Variants in SERTAD2 observed in about 807,000 individuals in gnomAD.
SERTAD2 encodes the protein SERTA domain-containing protein 2.
Under a neutral mutation model 15.4 loss-of-function variants are expected in SERTAD2, and 2 were observed. That is an observed-to-expected ratio of 0.13 (90% CI 0.05 to 0.41). The LOEUF (loss-of-function observed/expected upper bound fraction) is 0.41. Among genes scored for constraint, SERTAD2 ranks in the 10% least tolerant of loss-of-function variants. SERTAD2 has a pLI of 0.99. For missense variants in SERTAD2, 333 were observed against 409.7 expected (o/e 0.81, Z 1.62); for synonymous variants, 180 against 178.0 (o/e 1.01, Z -0.09).
chr2:64,638,493 C>T (rs975676470), intron 1 of SERTAD2, among the ~76,000 whole-genome samples: 1 of 152,206 alleles, frequency 6.6e-6, no homozygotes, highest in African/African-American at 2.4e-5. Flanking sequence ...GGCCATGCTG[C>T]CCTCAAGGCC....
chr2:64,651,354 T>C (rs905304502), intron 1 of SERTAD2, among the ~76,000 whole-genome samples: 1 of 152,232 alleles, frequency 6.6e-6, no homozygotes, highest in Non-Finnish European at 1.5e-5. Flanking sequence ...TGCAAGTTGA[T>C]AGAAATTTTT....
chr2:64,645,928 T>C (rs551768472), intron 1 of SERTAD2, among the ~76,000 whole-genome samples: 1 of 124,646 alleles, frequency 8.0e-6, no homozygotes, highest in Admixed American at 9.1e-5. Flanking sequence ...TGGCTAAAAG[T>C]ATGGTACACT....
chr2:64,640,023 T>G (rs182201402), intron 1 of SERTAD2, among the ~76,000 whole-genome samples: 1 of 152,116 alleles, frequency 6.6e-6, no homozygotes, highest in Non-Finnish European at 1.5e-5. Flanking sequence ...CCTGATGAAG[T>G]GTACCTCAAG....
rs34043900 is a variant in SERTAD2, at chr2:64,647,675, TAA to T, written c.-5+5943_-5+5944del. Among the ~76,000 whole-genome samples, 1,282 of 145,552 alleles carry T rather than the reference TAA, an allele frequency of 8.8e-3. 2 individuals are homozygous for T. Among genetic ancestry groups the T allele is most frequent in the South Asian group, 0.011 (52 of 4,616 alleles). ...AAAAGTATGTGACAGTTTTTGTGTTTAAAAAAAAAAAAAAAGACTCAAGATAT... is the reference window on the plus strand; with the variant it reads ...AAAAGTATGTGACAGTTTTTGTGTTTAAAAAAAAAAAAAGACTCAAGATAT... On this transcript the variant is annotated intron_variant, in intron 1 of 1. Transcript: ENST00000313349.
Position 64,638,312 on chromosome 2 carries a change from T to C in SERTAD2, c.-4-1437A>G, listed in dbSNP as rs568100838. ...ATCCACATCTACACTGTCATAGGCA[T>C]TTGGCCAGGCCCAGTGGGGAGTCCC... On this transcript the variant is annotated intron_variant, in intron 1 of 1. Transcript: ENST00000313349. Among the ~76,000 whole-genome samples the C allele has an allele frequency of 1.3e-3, 205 of 152,388 alleles. 1 individual carries two copies. Among genetic ancestry groups the C allele is most frequent in the South Asian group, 4.6e-3 (22 of 4,832 alleles).
In SERTAD2 at chr2:64,633,166, A is replaced by G. The variant is rs571538852; in HGVS notation, c.*2761T>C. The G allele has an allele frequency of 1.3e-5, 2 of 152,386 alleles. No individual in the cohort carries two copies. Among genetic ancestry groups the G allele is most frequent in the African/African-American group, 4.8e-5 (2 of 41,594 alleles). 9.4% of individuals were successfully genotyped at this position (152,386 alleles called of 1,614,324 possible). ...TTTGTAAGAATAGGATGCAAAAGCA[A>G]TTAGAACCCTAGATCATTTTGATCT... is the stretch of plus-strand genomic sequence containing the variant. On this transcript the variant is annotated 3_prime_UTR_variant, in exon 2 of 2. Coordinates refer to ENST00000313349, the MANE Select transcript of SERTAD2 (RefSeq NM_014755.3).
rs973416882 is a variant in SERTAD2, at chr2:64,633,660, G to C, written c.*2267C>G. On this transcript the variant is annotated 3_prime_UTR_variant, in exon 2 of 2. Coordinates refer to ENST00000313349, the MANE Select transcript of SERTAD2 (RefSeq NM_014755.3). ...GAAAGGGAAGCTCTTAAAATTAACAGGCATACTGACACTGGAAGCATCTAC... is the reference window on the plus strand; with the variant it reads ...GAAAGGGAAGCTCTTAAAATTAACACGCATACTGACACTGGAAGCATCTAC... 3.9e-5 allele frequency: 6 copies of C among 152,184 alleles called. No individual in the cohort carries two copies. The highest frequency in any genetic ancestry group is 1.4e-4 in the African/African-American group (6 of 41,442). The allele number at this position is 152,184 out of a possible 1,614,324, so 9.4% of individuals were successfully genotyped here. A position where few individuals can be genotyped will look rare whatever the true frequency, so the allele number is the denominator to read the frequency against.
chr2:64,637,276 A>G (rs1433059647), intron 1 of SERTAD2, among the ~76,000 whole-genome samples: 26 of 152,352 alleles, frequency 1.7e-4, no homozygotes. Context: ...AGCCCAAGAA[A>G]ACACTTACAA....
rs549330312 is a variant in SERTAD2, at chr2:64,645,867, T to C, written c.-5+7753A>G. Among the ~76,000 whole-genome samples, 6 of 152,328 alleles carry C rather than the reference T, an allele frequency of 3.9e-5. No homozygotes were observed. In the South Asian group the frequency reaches 1.2e-3, roughly 32 times the overall value. Reference sequence around the variant, plus strand: ...GAAGCTATGGACACCAATTACCTTCTTCCAAGGACAATGAGAATGCTGCCA... The same window carrying C: ...GAAGCTATGGACACCAATTACCTTCCTCCAAGGACAATGAGAATGCTGCCA... On this transcript the variant is annotated intron_variant, in intron 1 of 1. Coordinates refer to ENST00000313349, the MANE Select transcript of SERTAD2 (RefSeq NM_014755.3).
intron 1 of SERTAD2, among the ~76,000 whole-genome samples, chr2:64,647,005 A>G (rs1380630730): frequency 2.6e-5 from 4 of 152,230 alleles, no homozygotes; most frequent in African/African-American, 9.6e-5. Context: ...ATAACTATAA[A>G]TTATCTCCAT....
Position 64,636,333 on chromosome 2 carries a change from C to G in SERTAD2, c.539G>C (p.Cys180Ser). 5.0e-6 allele frequency: 8 copies of G among 1,614,190 alleles called. No individual in the cohort carries two copies. The highest frequency in any genetic ancestry group is 6.8e-6 in the Non-Finnish European group (8 of 1,180,020). The stretch of plus-strand genomic sequence containing the variant: ...CGCCTCTGTGGAGGTAGATGTGGGA[C>G]AGAGCTCCTCGATCTCGTCCAAGGC... ...SSALDEIEEL[C>S]PTSTSTEAAT... Residue 180 changes from cysteine (C) to serine (S), a missense_variant, in exon 2 of 2, where the codon TGT (cysteine) becomes TCT (serine). This residue lies in a region of SERTAD2 where 332 missense variants were observed against 392.9 expected (regional missense o/e 0.84). Coordinates refer to ENST00000313349, the MANE Select transcript of SERTAD2 (RefSeq NM_014755.3).
rs1427626585 is a variant in SERTAD2 at position 64,634,513 on chromosome 2, T to TG, written c.*1413dup. On this transcript the variant is annotated 3_prime_UTR_variant, in exon 2 of 2. Transcript: ENST00000313349. Reference sequence around the variant, plus strand: ...GATGGGAAGCTGTGACGTAATGTGATGAACTCCAGGTTCAAGAGTCACACA... The same window carrying TG: ...GATGGGAAGCTGTGACGTAATGTGATGGAACTCCAGGTTCAAGAGTCACACA... 2 of 152,218 alleles carry TG rather than the reference T, an allele frequency of 1.3e-5. No homozygotes were observed. The highest frequency in any genetic ancestry group is 2.9e-5 in the Non-Finnish European group (2 of 68,050). 9.4% of individuals were successfully genotyped at this position (152,218 alleles called of 1,614,324 possible).
intron 1 of SERTAD2, among the ~76,000 whole-genome samples, chr2:64,647,170 T>C (rs767414259): frequency 2.0e-5 from 3 of 152,236 alleles, no homozygotes; most frequent in Non-Finnish European, 4.4e-5. Flanking sequence ...ATTCTTTCTA[T>C]TTAAATTATA....
At chr2:64,637,194 T>C (rs1055433192) in intron 1 of SERTAD2, among the ~76,000 whole-genome samples, 1 of 152,240 alleles carries the variant, frequency 6.6e-6, no homozygotes, top group Non-Finnish European at 1.5e-5. Context: ...TCTCAGCTCA[T>C]GTGCTTGTGT....
chr2:64,641,075 ACT>A (rs1674766095), intron 1 of SERTAD2, among the ~76,000 whole-genome samples: 1 of 152,156 alleles, frequency 6.6e-6, no homozygotes, highest in Non-Finnish European at 1.5e-5. Context: ...AAAGAACAAA[ACT>A]CATTGGTAGA....
chr2:64,641,577 G>A (rs551059922), intron 1 of SERTAD2, among the ~76,000 whole-genome samples: 3 of 152,068 alleles, frequency 2.0e-5, no homozygotes, highest in Non-Finnish European at 4.4e-5. Flanking sequence ...CTGAATACAC[G>A]AACAGTAAGT....
intron 1 of SERTAD2, among the ~76,000 whole-genome samples, chr2:64,641,071 C>T (rs1674766056): frequency 6.6e-6 from 1 of 152,198 alleles, no homozygotes; most frequent in Non-Finnish European, 1.5e-5. Context: ...ACATAAAGAA[C>T]AAAACTCATT....
intron 1 of SERTAD2, among the ~76,000 whole-genome samples, chr2:64,652,237 C>A (rs535992756): frequency 6.6e-5 from 10 of 152,134 alleles, no homozygotes; most frequent in Non-Finnish European, 1.2e-4. Context: ...TCACAGCACA[C>A]CCTAGCACAC....
intron 1 of SERTAD2, among the ~76,000 whole-genome samples, chr2:64,640,355 C>G (rs940828804): frequency 2.6e-5 from 4 of 152,148 alleles, no homozygotes; most frequent in Non-Finnish European, 4.4e-5. Flanking sequence ...AGAAAAGACA[C>G]GACATGCCCT....
Sources: gnomAD v4.1 joint callset for allele counts (sites outside exome capture counted in the v4.1 genomes callset) on GRCh38, gnomAD v4.1.1 for gene constraint, gnomAD v4.1.1 regional missense constraint, MANE v1.5 for transcripts, NCBI Gene and HGNC (gene_info 2026-07-23, HGNC 2026-07-21) for gene names.